ERBIN: variants seen among roughly 807,000 people sequenced by gnomAD.
ERBIN encodes erbb2 interacting protein, also known as densin-180-like protein.
A neutral mutation model predicts 158.4 loss-of-function variants in ERBIN; 60 were observed. The ratio of observed to expected loss-of-function variants is 0.38; its 90% confidence interval spans 0.31 to 0.47. ERBIN has a LOEUF of 0.47. Ranked by LOEUF, ERBIN falls within the 20% of genes least tolerant of loss-of-function variation. ERBIN has a pLI of 0.99. For synonymous variants in ERBIN, 594 were observed against 557.2 expected, an observed-to-expected ratio of 1.07 and a Z score of -0.93; for missense variants, 1,610 against 1,648.0, an observed-to-expected ratio of 0.98 and a Z score of 0.40.
chr5:66,064,695 A>G (rs1449214180), intron 21 of ERBIN, among the ~76,000 whole-genome samples: 1 of 152,200 alleles, frequency 6.6e-6, no homozygotes, highest in Non-Finnish European at 1.5e-5. Context: ...AGTTTCAATA[A>G]TAAAACAGCC....
rs537443939 is a variant in ERBIN, at chr5:66,077,688, C to T, written c.4132-735C>T. Among the ~76,000 whole-genome samples, 16 of 151,784 alleles carry T rather than the reference C, an allele frequency of 1.1e-4. No homozygotes were observed. The South Asian group carries it at 2.9e-3, about 28-fold the overall frequency. On this transcript the variant is annotated intron_variant, in intron 25 of 25. Transcript: ENST00000284037. ...AGTATTACATCAATTGGTCACCAGTCGTTCATAATTTGCTACATTGTCTTT... is the reference window on the plus strand; with the variant it reads ...AGTATTACATCAATTGGTCACCAGTTGTTCATAATTTGCTACATTGTCTTT...
intron 1 of ERBIN, among the ~76,000 whole-genome samples, chr5:65,964,580 C>A (rs1374773206): frequency 6.6e-6 from 1 of 152,060 alleles, no homozygotes; most frequent in Non-Finnish European, 1.5e-5. Flanking sequence ...TATGTACTTG[C>A]AACAAACATG....
chr5:66,032,047 G>T (rs1756943738), intron 14 of ERBIN, among the ~76,000 whole-genome samples: 3 of 152,018 alleles, frequency 2.0e-5, no homozygotes, highest in Non-Finnish European at 4.4e-5. Context: ...ACAGTGTTCT[G>T]GTTTGGAAGA....
chr5:65,948,356 A>C (rs1408196769), intron 1 of ERBIN, among the ~76,000 whole-genome samples: 2 of 149,764 alleles, frequency 1.3e-5, no homozygotes, highest in Admixed American at 6.6e-5. Context: ...TTTTTTTTTT[A>C]AGTAGAGATA....
rs1761985949 is a variant in ERBIN at position 66,076,394 on chromosome 5, A to C, written c.4042A>C (p.Arg1348=). 1 of 1,610,042 alleles carries C rather than the reference A, an allele frequency of 6.2e-7. No individual in the cohort carries two copies. Among genetic ancestry groups the C allele is most frequent in the Admixed American group, 1.7e-5 (1 of 59,018 alleles). The change falls in exon 24 of 26, where the codon AGA becomes CGA. Residue 1348 remains arginine (R), a synonymous_variant. Coordinates refer to ENST00000284037, the MANE Select transcript of ERBIN (RefSeq NM_001253697.2). ...TGTCGGGGGTAGAGGAAACCCATTC[A>C]GACCTGATGATGATGTAAGTTTTCT... The part of the protein sequence containing the change: ...GGVGGRGNPF[R]PDDDGIFVTR...
intron 21 of ERBIN, 92 bp downstream of exon 21, chr5:66,055,043 T>G: frequency 6.9e-7 from 1 of 1,438,884 alleles, no homozygotes; most frequent in Non-Finnish European, 9.1e-7. Context: ...TTACTGATTA[T>G]CTCTTTATAT....
chr5:65,966,946 C>A (rs1267156958), intron 1 of ERBIN, among the ~76,000 whole-genome samples: 1 of 151,752 alleles, frequency 6.6e-6, no homozygotes, highest in Non-Finnish European at 1.5e-5. Flanking sequence ...AAAAAAATTT[C>A]TTTTAAATAG....
At position 66,044,249 on chromosome 5, in the gene ERBIN, C is replaced by T; in HGVS notation, c.1541C>T (p.Ser514Leu). 1 of 1,611,314 alleles carries T rather than the reference C, an allele frequency of 6.2e-7. No homozygotes were observed. Among genetic ancestry groups the T allele is most frequent in the South Asian group, 1.1e-5 (1 of 90,414 alleles). ...RLKDEETNED[S>L]GRDLKPHEDQ... ...AAAGATGAAGAGACCAATGAAGACT[C>T]AGGAAGAGATTTGAAACCACATGAA... Residue 514 changes from serine (S) to leucine (L), a missense_variant, in exon 17 of 26, where the codon TCA (serine) becomes TTA (leucine). Transcript: ENST00000284037.
In ERBIN at chr5:65,927,429, G is replaced by T. The variant is rs577034387; in HGVS notation, c.-58+623G>T. Among the ~76,000 whole-genome samples the T allele has an allele frequency of 2.0e-3, 298 of 152,156 alleles. 2 individuals are homozygous for T. The highest frequency in any genetic ancestry group is 6.7e-3 in the African/African-American group (280 of 41,488). Reference sequence around the variant, plus strand: ...TGTGTGTAGTGTGTGTTTTTCAGACGTTTAGCGCCGTATAACTTGTTTAAT... The same window carrying T: ...TGTGTGTAGTGTGTGTTTTTCAGACTTTTAGCGCCGTATAACTTGTTTAAT... On this transcript the variant is annotated intron_variant, in intron 1 of 25. Coordinates refer to ENST00000284037, the MANE Select transcript of ERBIN (RefSeq NM_001253697.2).
chr5:65,995,157 A>C lies in ERBIN; in HGVS notation c.307+293A>C, dbSNP rs560445140. Among the ~76,000 whole-genome samples, 18 of 152,164 alleles carry C rather than the reference A, an allele frequency of 1.2e-4. 1 individual carries two copies. The highest frequency in any genetic ancestry group is 1.0e-3 in the Admixed American group (16 of 15,268). Reference sequence around the variant, plus strand: ...AGCACATGGAGAATAAATGTAAGGGATTTTTTTGTTGTTGTTTTTACATTT... The same window carrying C: ...AGCACATGGAGAATAAATGTAAGGGCTTTTTTTGTTGTTGTTTTTACATTT... On this transcript the variant is annotated intron_variant, in intron 4 of 25. Coordinates refer to ENST00000284037, the MANE Select transcript of ERBIN (RefSeq NM_001253697.2).
At chr5:66,042,314 T>G (rs1269493745) in intron 15 of ERBIN, among the ~76,000 whole-genome samples, 1 of 152,112 alleles carries the variant, frequency 6.6e-6, no homozygotes, top group Non-Finnish European at 1.5e-5. Flanking sequence ...GCCTTATGTA[T>G]TTTTTAGATG....
At chr5:66,057,928 C>T (rs897995674) in intron 21 of ERBIN, among the ~76,000 whole-genome samples, 6 of 150,650 alleles carry the variant, frequency 4.0e-5, no homozygotes, top group African/African-American at 1.3e-4. Flanking sequence ...TTAATCCAGT[C>T]TATCATTGTT....
chr5:66,012,303 T>C (rs1754290267), intron 5 of ERBIN, among the ~76,000 whole-genome samples, 176 bp downstream of exon 5: 2 of 152,202 alleles, frequency 1.3e-5, no homozygotes, highest in African/African-American at 4.8e-5. Flanking sequence ...CATGTACTAC[T>C]GAGGTAAATT....
Position 66,048,380 on chromosome 5 carries a change from G to T in ERBIN, c.1789-287G>T, listed in dbSNP as rs1306868876. Among the ~76,000 whole-genome samples, 3 of 151,776 alleles carry T rather than the reference G, an allele frequency of 2.0e-5. No homozygotes were observed. In the East Asian group the frequency reaches 5.8e-4, roughly 29 times the overall value. On this transcript the variant is annotated intron_variant, in intron 18 of 25. Coordinates refer to ENST00000284037, the MANE Select transcript of ERBIN (RefSeq NM_001253697.2). ...TATATGGTTGAAAGTTACTATAGTTGTAAGAATATTATAGGAGATGCAGCA... is the reference window on the plus strand; with the variant it reads ...TATATGGTTGAAAGTTACTATAGTTTTAAGAATATTATAGGAGATGCAGCA...
At chr5:65,962,739 T>C (rs1748061727) in intron 1 of ERBIN, among the ~76,000 whole-genome samples, 2 of 152,180 alleles carry the variant, frequency 1.3e-5, no homozygotes, top group Non-Finnish European at 2.9e-5. Context: ...GCAAAATTAT[T>C]TTTCCATTAC....
chr5:66,015,864 C>T (rs1382045361), intron 7 of ERBIN, among the ~76,000 whole-genome samples: 20 of 152,142 alleles, frequency 1.3e-4, no homozygotes, highest in Admixed American at 1.3e-3. Context: ...AACTTCTCAC[C>T]TCTTGAGAAG....
intron 15 of ERBIN, among the ~76,000 whole-genome samples, chr5:66,042,690 A>G (rs1758028156): frequency 6.6e-6 from 1 of 152,148 alleles, no homozygotes; most frequent in Admixed American, 6.5e-5. Flanking sequence ...TATTGTAAGA[A>G]CTTAGTATAT....
intron 1 of ERBIN, among the ~76,000 whole-genome samples, chr5:65,963,167 AATT>A (rs1242627069): frequency 1.4e-4 from 22 of 152,342 alleles, no homozygotes; most frequent in African/African-American, 5.1e-4. Flanking sequence ...GCATAACAAT[AATT>A]CTCATAGATC....
chr5:66,063,187 C>T (rs1237005622), intron 21 of ERBIN, among the ~76,000 whole-genome samples: 2 of 152,248 alleles, frequency 1.3e-5, no homozygotes, highest in African/African-American at 4.8e-5. Flanking sequence ...GTGGGCTTCA[C>T]CCAGTTCGAG....
Sources: gnomAD v4.1 joint callset for allele counts (sites outside exome capture counted in the v4.1 genomes callset) on GRCh38, gnomAD v4.1.1 for gene constraint, MANE v1.5 for transcripts, NCBI Gene and HGNC (gene_info 2026-07-23, HGNC 2026-07-21) for gene names.